The following HSDL2 variants were observed in gnomAD, a reference collection of about 807,000 sequenced individuals.
HSDL2 encodes the protein hydroxysteroid dehydrogenase-like protein 2.
A neutral mutation model predicts 46.3 loss-of-function variants in HSDL2; 27 were observed. That is an observed-to-expected ratio of 0.58 (90% CI 0.43 to 0.80). The LOEUF (loss-of-function observed/expected upper bound fraction) is 0.80. HSDL2 is among the 30% of genes least tolerant of loss of function. HSDL2 has a pLI of 0.00. For synonymous variants in HSDL2, 153 were observed against 163.6 expected (o/e 0.94, Z 0.50); for missense variants, 451 against 502.7 (o/e 0.90, Z 0.98).
chr9:112,451,194 CA>C (rs1052580975), intron 8 of HSDL2, among the ~76,000 whole-genome samples: 2 of 151,118 alleles, frequency 1.3e-5, no homozygotes, highest in Non-Finnish European at 1.5e-5. Context: ...AAAAACAGAC[CA>C]AAAAAAATAG....
At chr9:112,438,854 AT>A (rs1832585422) in intron 7 of HSDL2, 1 of 234,958 alleles carries the variant, frequency 4.3e-6, no homozygotes, top group Non-Finnish European at 8.0e-6. Context: ...ATATATATAT[AT>A]AAGCACAGAA....
intron 6 of HSDL2, among the ~76,000 whole-genome samples, chr9:112,421,227 T>C (rs1832115708): frequency 6.6e-6 from 1 of 152,098 alleles, no homozygotes; most frequent in Non-Finnish European, 1.5e-5. Flanking sequence ...CTCGTGAGGC[T>C]AAGATTGTAG....
intron 6 of HSDL2, among the ~76,000 whole-genome samples, chr9:112,423,550 C>A (rs1215598626): frequency 6.6e-6 from 1 of 151,704 alleles, no homozygotes; most frequent in Non-Finnish European, 1.5e-5. Flanking sequence ...CCTCAGGGAT[C>A]CACCTGCCTC....
At chr9:112,429,855 G>A (rs1246794883) in intron 6 of HSDL2, among the ~76,000 whole-genome samples, 1 of 152,182 alleles carries the variant, frequency 6.6e-6, no homozygotes, top group East Asian at 1.9e-4. Context: ...ACTTTGGGAG[G>A]TCAAAGCAGG....
At chr9:112,388,565 C>G (rs1216373691) in intron 1 of HSDL2, among the ~76,000 whole-genome samples, 2 of 149,862 alleles carry the variant, frequency 1.3e-5, no homozygotes, top group African/African-American at 2.5e-5. Context: ...AGTCCAAGAC[C>G]ATGGTGAAAC....
intron 7 of HSDL2, among the ~76,000 whole-genome samples, chr9:112,440,545 C>T (rs1832618224): frequency 6.6e-6 from 1 of 152,150 alleles, no homozygotes; most frequent in African/African-American, 2.4e-5. Context: ...AAACAGTTAA[C>T]CTATTTGCTA....
intron 3 of HSDL2, among the ~76,000 whole-genome samples, chr9:112,408,462 A>T (rs946310883): frequency 1.3e-5 from 2 of 152,204 alleles, no homozygotes; most frequent in African/African-American, 4.8e-5. Context: ...ATATTATCTA[A>T]AGGAAGTATA....
intron 1 of HSDL2, among the ~76,000 whole-genome samples, chr9:112,395,729 C>T (rs1342466564): frequency 6.6e-6 from 1 of 152,244 alleles, no homozygotes; most frequent in Non-Finnish European, 1.5e-5. Flanking sequence ...GGTTTAATTA[C>T]AGCATTAATG....
At position 112,404,029 on chromosome 9, in the gene HSDL2, G is replaced by A; in HGVS notation, c.52G>A (p.Ala18Thr). The stretch of plus-strand genomic sequence containing the variant: ...AGGATGTACAGTTTTTATCACAGGT[G>A]CAAGCCGTGGCATTGGCAAAGCTAT... ...LAGCTVFITG[A>T]SRGIGKAIAL... Residue 18 changes from alanine to threonine, a missense_variant, in exon 2 of 11, where the codon GCA (alanine) becomes ACA (threonine). Ala to Thr is a moderately conservative substitution (Grantham distance 58). Transcript: ENST00000398805. 1 of 1,614,146 alleles carries A rather than the reference G, an allele frequency of 6.2e-7. No homozygotes were observed. The highest frequency in any genetic ancestry group is 8.5e-7 in the Non-Finnish European group (1 of 1,179,992).
chr9:112,399,245 T>C (rs565988599), intron 1 of HSDL2, among the ~76,000 whole-genome samples: 6 of 152,328 alleles, frequency 3.9e-5, no homozygotes, highest in African/African-American at 7.2e-5. Context: ...GATGCCCACC[T>C]GAGTCTCAGA....
At chr9:112,398,652 A>C (rs1831517241) in intron 1 of HSDL2, among the ~76,000 whole-genome samples, 3 of 152,088 alleles carry the variant, frequency 2.0e-5, no homozygotes, top group Admixed American at 6.6e-5. Flanking sequence ...TGGTAACTGC[A>C]GGGGGTTACA....
At chr9:112,422,650 A>C (rs1373336834) in intron 6 of HSDL2, among the ~76,000 whole-genome samples, 3 of 152,198 alleles carry the variant, frequency 2.0e-5, no homozygotes, top group Admixed American at 6.5e-5. Context: ...GAGTCCCAGA[A>C]GGAGGTCTGG....
At chr9:112,439,430 A>C (rs1311458012) in intron 7 of HSDL2, among the ~76,000 whole-genome samples, 1 of 152,184 alleles carries the variant, frequency 6.6e-6, no homozygotes, top group African/African-American at 2.4e-5. Flanking sequence ...TCTCATGGAC[A>C]GTAAAGTGAT....
chr9:112,391,614 G>A (rs1342963489), intron 1 of HSDL2, among the ~76,000 whole-genome samples: 3 of 151,814 alleles, frequency 2.0e-5, no homozygotes, highest in Non-Finnish European at 2.9e-5. Flanking sequence ...ATAGAAAAAC[G>A]GGCAAAACCA....
intron 8 of HSDL2, among the ~76,000 whole-genome samples, chr9:112,452,627 G>A (rs180854234): frequency 2.6e-5 from 4 of 152,290 alleles, no homozygotes; most frequent in East Asian, 3.9e-4. Flanking sequence ...GGCACCTGTA[G>A]TCCCACCTAC....
At chr9:112,389,917 T>G (rs1831301235) in intron 1 of HSDL2, among the ~76,000 whole-genome samples, 1 of 151,790 alleles carries the variant, frequency 6.6e-6, no homozygotes, top group Admixed American at 6.6e-5. Flanking sequence ...ATACAAAAAA[T>G]AGCCAGTCAT....
intron 1 of HSDL2, among the ~76,000 whole-genome samples, chr9:112,384,045 T>C (rs1831168395): frequency 6.6e-6 from 1 of 152,236 alleles, no homozygotes; most frequent in South Asian, 2.1e-4. Flanking sequence ...TTTTAATATG[T>C]GGGAAAGCTA....
chr9:112,448,429 G>A (rs769265772), intron 8 of HSDL2, among the ~76,000 whole-genome samples: 2 of 151,968 alleles, frequency 1.3e-5, no homozygotes, highest in Non-Finnish European at 2.9e-5. Flanking sequence ...AAGTTAGATT[G>A]GTATCTATTT....
rs113546290 is a variant in HSDL2 at position 112,426,064 on chromosome 9, C to G, written c.598+7106C>G. Among the ~76,000 whole-genome samples, 559 of 152,148 alleles carry G rather than the reference C, an allele frequency of 3.7e-3. 3 individuals are homozygous for G. The highest frequency in any genetic ancestry group is 0.013 in the African/African-American group (532 of 41,516). On this transcript the variant is annotated intron_variant, in intron 6 of 10. Coordinates refer to ENST00000398805, the MANE Select transcript of HSDL2 (RefSeq NM_032303.5). ...CTAGAAGTAATTTTGATAAAATATC[C>G]AAACATCACATTAGTATTTAAAATT... is the stretch of plus-strand genomic sequence containing the variant.
Sources: allele counts gnomAD v4.1 joint callset (sites outside exome capture counted in the v4.1 genomes callset), GRCh38; gene constraint gnomAD v4.1.1; transcripts MANE v1.5; gene names NCBI Gene and HGNC (gene_info 2026-07-23, HGNC 2026-07-21).